Variants in SIX4 observed in about 807,000 individuals in gnomAD.
The protein encoded by SIX4 is SIX homeobox 4.
SIX4 carries 23 observed loss-of-function variants against 51.5 expected under a neutral mutation model. The ratio of observed to expected loss-of-function variants is 0.45; its 90% CI spans 0.32 to 0.63. The LOEUF (loss-of-function observed/expected upper bound fraction) is 0.63. SIX4 is among the 30% of genes least tolerant of loss of function. The pLI, the probability that SIX4 is intolerant of heterozygous loss-of-function variation, is 0.04. For synonymous variants in SIX4, 413 were observed against 417.3 expected (o/e 0.99, Z 0.13); for missense variants, 867 against 984.0 (o/e 0.88, Z 1.59).
At position 60,722,185 on chromosome 14, in the gene SIX4, C is replaced by T. The variant is rs1346060621; in HGVS notation, c.863+1027G>A. Among the ~76,000 whole-genome samples, 1 of 152,182 alleles carries T rather than the reference C, an allele frequency of 6.6e-6. No homozygotes were observed. The highest frequency in any genetic ancestry group is 1.9e-4 in the East Asian group (1 of 5,186). On this transcript the variant is annotated intron_variant, in intron 1 of 2. Transcript: ENST00000216513. The surrounding 1 kb of genome is among the most constrained non-coding windows in gnomAD (Gnocchi z 5.9). ...CTGGAGACACCAGGTCTTTAGGCGA[C>T]CTTCTCCTTACTTTGTTTCGTCCAA... is the stretch of plus-strand genomic sequence containing the variant.
At chr14:60,716,085 C>T (rs1481178331) in intron 2 of SIX4, among the ~76,000 whole-genome samples, 5 of 151,502 alleles carry the variant, frequency 3.3e-5, no homozygotes, top group African/African-American at 4.9e-5. Context: ...AGGCTGTTCT[C>T]GAACTCCTGA....
At chr14:60,714,412 T>G (rs1213068463) in intron 2 of SIX4, among the ~76,000 whole-genome samples, 2 of 152,154 alleles carry the variant, frequency 1.3e-5, no homozygotes, top group African/African-American at 4.8e-5. Flanking sequence ...TTAGTACATC[T>G]TAGAACATCT....
chr14:60,713,582 TTC>T lies in SIX4; in HGVS notation c.2169_2170del (p.Asn724PhefsTer6), dbSNP rs776587099. 8.7e-6 allele frequency: 14 copies of T among 1,614,216 alleles called. 1 individual carries two copies. In the South Asian group the frequency reaches 1.5e-4, roughly 18 times the overall value. On this transcript the variant is annotated frameshift_variant, in exon 3 of 3. Transcript: ENST00000216513. LOFTEE classifies it high-confidence loss of function. ...TTTGCTCTCAGAATTTGATAAGAAA[TTC>T]TCTTTCATGTTAGCTACCGATTGCA...
At chr14:60,715,127 C>G (rs1425888564) in intron 2 of SIX4, among the ~76,000 whole-genome samples, 1 of 151,464 alleles carries the variant, frequency 6.6e-6, no homozygotes, top group Non-Finnish European at 1.5e-5. Context: ...TAGTTAGAAG[C>G]CAAGTGTGAA....
rs1046220893 is a variant in SIX4 at position 60,710,299 on chromosome 14, G to A, written c.*3108C>T. On this transcript the variant is annotated 3_prime_UTR_variant, in exon 3 of 3. Transcript: ENST00000216513. ...TACCTGCCTTTCATAACACAAGAAA[G>A]GCACTGAAACGTGTACAATTTAAAA... The A allele has an allele frequency of 6.6e-6, 1 of 152,558 alleles. No individual in the cohort carries two copies. Among genetic ancestry groups the A allele is most frequent in the Admixed American group, 6.5e-5 (1 of 15,268 alleles). 9.5% of individuals were successfully genotyped at this position (152,558 alleles called of 1,614,324 possible).
chr14:60,714,972 T>TA (rs11449594), intron 2 of SIX4, among the ~76,000 whole-genome samples: 78,398 of 129,178 alleles, frequency 0.61, 23,723 homozygotes, highest in Admixed American at 0.65. Flanking sequence ...GCCCTTTCTT[T>TA]AAAAAAAAAA....
chr14:60,711,530 A>C lies in SIX4; in HGVS notation c.*1877T>G, dbSNP rs1173428388. 6.6e-6 allele frequency: 1 copy of C among 152,260 alleles called. No individual in the cohort carries two copies. Among genetic ancestry groups the C allele is most frequent in the Non-Finnish European group, 1.5e-5 (1 of 68,122 alleles). 9.4% of individuals were successfully genotyped at this position (152,260 alleles called of 1,614,324 possible). ...GCCAGGCACAGTGGCTCATGCCTAT[A>C]ATCCCAGCACTTTGGGAGGCCGAGG... is the stretch of plus-strand genomic sequence containing the variant. On this transcript the variant is annotated 3_prime_UTR_variant, in exon 3 of 3. Coordinates refer to ENST00000216513, the MANE Select transcript of SIX4 (RefSeq NM_017420.5).
At chr14:60,715,738 T>C (rs1460836405) in intron 2 of SIX4, among the ~76,000 whole-genome samples, 2 of 152,216 alleles carry the variant, frequency 1.3e-5, no homozygotes, top group African/African-American at 4.8e-5. Flanking sequence ...TTGTTCCTGA[T>C]TCCTTACATA....
At position 60,720,214 on chromosome 14, in the gene SIX4, A is replaced by G; in HGVS notation, c.1095T>C (p.Asn365=). ...VPASTSPVFL[N]GNSFIQGPSG... The stretch of plus-strand genomic sequence containing the variant: ...TGGGTCCCTGAATAAAAGAATTTCC[A>G]TTAAGGAAGACAGGTGAAGTACTTG... The change falls in exon 2 of 3, where the codon AAT becomes AAC. Residue 365 remains asparagine (N), a synonymous_variant. Coordinates refer to ENST00000216513, the MANE Select transcript of SIX4 (RefSeq NM_017420.5). This position sits in a 1 kb window ranked among gnomAD's most constrained non-coding sequence, Gnocchi z 5.5. 1.2e-6 allele frequency: 2 copies of G among 1,614,262 alleles called. No individual in the cohort carries two copies. The highest frequency in any genetic ancestry group is 1.7e-6 in the Non-Finnish European group (2 of 1,180,048).
At chr14:60,721,943 G>GCCT (rs1020370122) in intron 1 of SIX4, among the ~76,000 whole-genome samples, 1 of 152,234 alleles carries the variant, frequency 6.6e-6, no homozygotes, top group Non-Finnish European at 1.5e-5. Context: ...AGGGCACCAA[G>GCCT]CCTCCCTCCC....
rs1895936024 is a variant in SIX4, at chr14:60,717,315, A to C, written c.1549+2445T>G. On this transcript the variant is annotated intron_variant, in intron 2 of 2. Coordinates refer to ENST00000216513, the MANE Select transcript of SIX4 (RefSeq NM_017420.5). The surrounding 1 kb of genome is among the most constrained non-coding windows in gnomAD (Gnocchi z 4.6). Reference sequence around the variant, plus strand: ...TGGAACTCCTGACCTCAGGTGATCCACCCGCCTTAGCCTCCTAAAGTGCTG... The same window carrying C: ...TGGAACTCCTGACCTCAGGTGATCCCCCCGCCTTAGCCTCCTAAAGTGCTG... 6.6e-6 allele frequency among the ~76,000 whole-genome samples: 1 copy of C among 152,078 alleles called. No individual in the cohort carries two copies. Among genetic ancestry groups the C allele is most frequent in the South Asian group, 2.1e-4 (1 of 4,814 alleles).
Position 60,724,326 on chromosome 14 carries a change from C to A in SIX4, c.-252G>T. The A allele has an allele frequency of 6.7e-7, 1 of 1,482,964 alleles. No individual in the cohort carries two copies. The highest frequency in any genetic ancestry group is 9.0e-7 in the Non-Finnish European group (1 of 1,112,850). The allele number at this position is 1,482,964 out of a possible 1,614,324, so 91.9% of individuals were successfully genotyped here. A position where few individuals can be genotyped will look rare whatever the true frequency, so the allele number is the denominator to read the frequency against. On this transcript the variant is annotated 5_prime_UTR_variant, in exon 1 of 3. It introduces an in-frame stop codon into an upstream open reading frame of the 5' UTR. Coordinates refer to ENST00000216513, the MANE Select transcript of SIX4 (RefSeq NM_017420.5). ...TTTCTGCCGTTCCCCCAACGTGACTCCTCCGGTTGCTGCATACTATATGGC... is the reference window on the plus strand; with the variant it reads ...TTTCTGCCGTTCCCCCAACGTGACTACTCCGGTTGCTGCATACTATATGGC...
Position 60,723,694 on chromosome 14 carries a change from G to C in SIX4, c.381C>G (p.Asp127Glu). The C allele has an allele frequency of 6.4e-7, 1 of 1,564,560 alleles. No homozygotes were observed. Among genetic ancestry groups the C allele is most frequent in the Non-Finnish European group, 8.6e-7 (1 of 1,156,444 alleles). The change falls in exon 1 of 3, where the codon GAC (aspartate) becomes GAG (glutamate). Residue 127 changes from aspartate (D) to glutamate (E), a missense_variant. By Grantham distance (45) the Asp-to-Glu change is conservative. Coordinates refer to ENST00000216513, the MANE Select transcript of SIX4 (RefSeq NM_017420.5). ...GGGACCACAGGAACCGGGCCAGGCG[G>C]TCCAGGTTGCCCCCCTGCTGCAGTG... is the stretch of plus-strand genomic sequence containing the variant. ...CEALQQGGNL[D>E]RLARFLWSLP...
In SIX4 at chr14:60,712,565, T is replaced by C. The variant is rs1895842903; in HGVS notation, c.*842A>G. On this transcript the variant is annotated 3_prime_UTR_variant, in exon 3 of 3. Transcript: ENST00000216513. The stretch of plus-strand genomic sequence containing the variant: ...GTTATTAATATTGACCTTAATAGAT[T>C]CCTGGTAAAAATCATTATTTTTAAA... 6.6e-6 allele frequency: 1 copy of C among 152,552 alleles called. No homozygotes were observed. The highest frequency in any genetic ancestry group is 2.1e-4 in the South Asian group (1 of 4,828). The allele number at this position is 152,552 out of a possible 1,614,324, so 9.4% of individuals were successfully genotyped here.
At chr14:60,716,696 ACTT>A (rs1200465778) in intron 2 of SIX4, among the ~76,000 whole-genome samples, 17 of 152,132 alleles carry the variant, frequency 1.1e-4, no homozygotes, top group Non-Finnish European at 2.2e-4. Flanking sequence ...TCAGTAAACT[ACTT>A]TTTTGAGAGA....
chr14:60,717,938 G>A lies in SIX4; in HGVS notation c.1549+1822C>T. 5.1e-6 allele frequency: 1 copy of A among 196,876 alleles called. No individual in the cohort carries two copies. Among genetic ancestry groups the A allele is most frequent in the South Asian group, 8.0e-5 (1 of 12,430 alleles). 12.2% of individuals were successfully genotyped at this position (196,876 alleles called of 1,614,324 possible). On this transcript the variant is annotated intron_variant, in intron 2 of 2. Coordinates refer to ENST00000216513, the MANE Select transcript of SIX4 (RefSeq NM_017420.5). The surrounding 1 kb of genome is among the most constrained non-coding windows in gnomAD (Gnocchi z 4.6). ...GAGGCAGGATAATCACTTGAACACGGGAGGCAGAGGCTGCAGTGAGCCGAG... is the reference window on the plus strand; with the variant it reads ...GAGGCAGGATAATCACTTGAACACGAGAGGCAGAGGCTGCAGTGAGCCGAG...
chr14:60,715,780 G>C (rs1242845879), intron 2 of SIX4, among the ~76,000 whole-genome samples: 1 of 152,060 alleles, frequency 6.6e-6, no homozygotes, highest in Non-Finnish European at 1.5e-5. Context: ...GATAATCTAG[G>C]ACCTCAAATA....
rs1341405267 is a variant in SIX4, at chr14:60,709,617, T to G, written c.*3790A>C. On this transcript the variant is annotated 3_prime_UTR_variant, in exon 3 of 3. Transcript: ENST00000216513. This position sits in a 1 kb window ranked among gnomAD's most constrained non-coding sequence, Gnocchi z 4.1. ...TCATTTCAGAAAACAAATAAAACAC[T>G]TAATTGTCCAGGCATAAACCCCCAT... 6.6e-6 allele frequency: 1 copy of G among 152,606 alleles called. No individual in the cohort carries two copies. The highest frequency in any genetic ancestry group is 1.5e-5 in the Non-Finnish European group (1 of 68,028). The allele number at this position is 152,606 out of a possible 1,614,324, so 9.5% of individuals were successfully genotyped here. A position where few individuals can be genotyped will look rare whatever the true frequency, so the allele number is the denominator to read the frequency against.
At chr14:60,715,870 A>T (rs1895912202) in intron 2 of SIX4, among the ~76,000 whole-genome samples, 1 of 150,842 alleles carries the variant, frequency 6.6e-6, no homozygotes, top group East Asian at 1.9e-4. Context: ...TTAGATGTTC[A>T]GTCAACTCTT....
Sources: gnomAD v4.1 joint callset for allele counts (sites outside exome capture counted in the v4.1 genomes callset) on GRCh38, gnomAD v4.1.1 for gene constraint, Gnocchi (gnomAD v3.1) non-coding constraint, MANE v1.5 for transcripts, NCBI Gene and HGNC (gene_info 2026-07-23, HGNC 2026-07-21) for gene names.